The following CSF1R variants were observed in gnomAD, a reference collection of about 807,000 sequenced individuals.
The protein encoded by CSF1R is macrophage colony-stimulating factor 1 receptor.
In CSF1R, 40 loss-of-function variants were observed where a neutral mutation model predicts 110.0. That is an observed-to-expected ratio of 0.36 (90% CI 0.28 to 0.47). The LOEUF (loss-of-function observed/expected upper bound fraction) is 0.47, where lower values mean the gene tolerates loss of function less well. CSF1R is among the 20% of genes least tolerant of loss of function. The pLI, the probability that CSF1R is intolerant of heterozygous loss-of-function variation, is 0.99. For synonymous variants in CSF1R, 523 were observed against 503.4 expected (o/e 1.04, Z -0.52); for missense variants, 1,052 against 1,253.0 (o/e 0.84, Z 2.42).
chr5:150,055,417 G>T, intron 18 of CSF1R, 81 bp from the exon 19 acceptor site: 1 of 1,192,522 alleles, frequency 8.4e-7, no homozygotes, highest in Non-Finnish European at 1.2e-6. Context: ...TCTTAGACTG[G>T]GTTTAAAGGG....
chr5:150,106,809 A>G lies in CSF1R; in HGVS notation c.-181+6452T>C, dbSNP rs138785491. Among the ~76,000 whole-genome samples, 26 of 152,296 alleles carry G rather than the reference A, an allele frequency of 1.7e-4. No homozygotes were observed. The East Asian group carries it at 5.0e-3, about 29-fold the overall frequency. ...CCCACACTCCTTCTTCCTGTTCCAC[A>G]TACTTCTGCTTCCACCTGGCCCATA... is the stretch of plus-strand genomic sequence containing the variant. On this transcript the variant is annotated intron_variant, in intron 1 of 21. Transcript: ENST00000286301.
intron 5 of CSF1R, chr5:150,076,992 T>G: frequency 2.1e-6 from 1 of 477,922 alleles, no homozygotes; most frequent in Non-Finnish European, 3.9e-6. Context: ...TGAAGTCCAG[T>G]AGGGAGCTAC....
intron 1 of CSF1R, among the ~76,000 whole-genome samples, chr5:150,101,278 G>C (rs770169898): frequency 6.6e-6 from 1 of 152,320 alleles, no homozygotes; most frequent in African/African-American, 2.4e-5. Context: ...CATGGCTAAG[G>C]TATCCTAGCC....
intron 1 of CSF1R, chr5:150,094,302 A>G: frequency 1.9e-6 from 3 of 1,570,066 alleles, no homozygotes; most frequent in Non-Finnish European, 2.6e-6. Context: ...GGCTGGAACC[A>G]TGGAGGGTGT....
intron 5 of CSF1R, 76 bp from the exon 6 acceptor site, chr5:150,073,569 C>A: frequency 6.8e-7 from 1 of 1,477,244 alleles, no homozygotes; most frequent in Non-Finnish European, 9.3e-7. Context: ...TGTCATCCAC[C>A]CATTGATCCA....
intron 12 of CSF1R, among the ~76,000 whole-genome samples, 170 bp downstream of exon 12, chr5:150,061,321 G>C (rs994318726): frequency 6.6e-6 from 1 of 152,188 alleles, no homozygotes; most frequent in African/African-American, 2.4e-5. Flanking sequence ...GGAGCCGGGA[G>C]TCAGAGGGTG....
At chr5:150,056,487 A>T (rs992609232) in intron 16 of CSF1R, 146 bp from the exon 17 acceptor site, 28 of 964,262 alleles carry the variant, frequency 2.9e-5, no homozygotes, top group Non-Finnish European at 4.2e-5. Flanking sequence ...ACCCTTGTCT[A>T]TACCTTCTAC....
chr5:150,098,889 A>ATTTTTTTT (rs571440671), intron 1 of CSF1R, among the ~76,000 whole-genome samples: 1 of 132,998 alleles, frequency 7.5e-6, no homozygotes, highest in Non-Finnish European at 1.6e-5. Flanking sequence ...AATACAAACA[A>ATTTTTTTT]CTTTTTTTTT....
At chr5:150,093,133 C>T (rs145040208) in intron 1 of CSF1R, among the ~76,000 whole-genome samples, 1 of 152,152 alleles carries the variant, frequency 6.6e-6, no homozygotes, top group Admixed American at 6.5e-5. Flanking sequence ...GGCTGGAGGG[C>T]AGTGGCGTGA....
At chr5:150,075,566 T>G (rs1027250864) in intron 5 of CSF1R, among the ~76,000 whole-genome samples, 3 of 152,238 alleles carry the variant, frequency 2.0e-5, no homozygotes, top group Non-Finnish European at 2.9e-5. Flanking sequence ...AGATCTTCCT[T>G]GGTGAACACC....
At chr5:150,076,813 G>A (rs889593505) in intron 5 of CSF1R, 7 of 229,780 alleles carry the variant, frequency 3.0e-5, no homozygotes, top group South Asian at 6.6e-5. Context: ...CCTTCTGCCC[G>A]GCCAACTCAC....
chr5:150,066,746 GA>G (rs1757793331), intron 10 of CSF1R, among the ~76,000 whole-genome samples: 1 of 152,172 alleles, frequency 6.6e-6, no homozygotes, highest in Admixed American at 6.5e-5. Flanking sequence ...GTGTGGGGAA[GA>G]AAAGGTAGCC....
At chr5:150,072,621 G>A (rs1319222302) in intron 6 of CSF1R, among the ~76,000 whole-genome samples, 1 of 152,154 alleles carries the variant, frequency 6.6e-6, no homozygotes, top group Non-Finnish European at 1.5e-5. Context: ...AGCCACTTTG[G>A]ATGAGAAAGC....
upstream of CSF1R, among the ~76,000 whole-genome samples, chr5:150,088,602 C>T (rs142646117): frequency 1.3e-5 from 2 of 151,780 alleles, no homozygotes; most frequent in African/African-American, 4.8e-5. Context: ...GGAGCAATCT[C>T]GGCTCACTGC....
chr5:150,111,410 G>A (rs1581358376), intron 1 of CSF1R, among the ~76,000 whole-genome samples: 1 of 152,216 alleles, frequency 6.6e-6, no homozygotes, highest in Admixed American at 6.5e-5. Context: ...GGGCTGACCT[G>A]TGGTTACCCC....
At chr5:150,104,617 G>T (rs1202440684) in intron 1 of CSF1R, among the ~76,000 whole-genome samples, 1 of 152,178 alleles carries the variant, frequency 6.6e-6, no homozygotes, top group Non-Finnish European at 1.5e-5. Context: ...AGGTAGGTGT[G>T]GTTATTATCC....
intron 12 of CSF1R, 49 bp from the exon 13 acceptor site, chr5:150,061,021 G>T: frequency 7.4e-7 from 1 of 1,344,504 alleles, no homozygotes. Flanking sequence ...GCAGGACAGA[G>T]AGCACCACAC....
chr5:150,075,737 A>G (rs1389395600), intron 5 of CSF1R, among the ~76,000 whole-genome samples: 4 of 152,204 alleles, frequency 2.6e-5, no homozygotes, highest in Non-Finnish European at 4.4e-5. Flanking sequence ...TGTCTGGCCC[A>G]AAGTGTGAAT....
chr5:150,081,232 G>T (rs998129702), intron 1 of CSF1R, among the ~76,000 whole-genome samples: 1 of 152,098 alleles, frequency 6.6e-6, no homozygotes, highest in African/African-American at 2.4e-5. Flanking sequence ...TGTCCAGGAG[G>T]TCCCTCCTCT....
Sources: gnomAD v4.1 joint callset for allele counts (sites outside exome capture counted in the v4.1 genomes callset) on GRCh38, gnomAD v4.1.1 for gene constraint, MANE v1.5 for transcripts, NCBI Gene and HGNC (gene_info 2026-07-23, HGNC 2026-07-21) for gene names.